Variants in GRID2 observed in about 807,000 individuals in gnomAD.
GRID2 encodes the protein glutamate receptor ionotropic, delta-2.
Under a neutral mutation model 114.8 loss-of-function variants are expected in GRID2, and 33 were observed. The observed-to-expected ratio is 0.29, with a 90% CI of 0.22 to 0.38. The LOEUF (loss-of-function observed/expected upper bound fraction) is 0.38, where lower values mean the gene tolerates loss of function less well. Ranked by LOEUF, GRID2 falls within the 10% of genes least tolerant of loss-of-function variation. The pLI is 1.00. For missense variants in GRID2, 1,184 were observed against 1,257.7 expected, an observed-to-expected ratio of 0.94 and a Z score of 0.89; for synonymous variants, 505 against 449.9, an observed-to-expected ratio of 1.12 and a Z score of -1.55.
chr4:92,363,340 T>A (rs1728703316), intron 1 of GRID2, among the ~76,000 whole-genome samples: 1 of 152,136 alleles, frequency 6.6e-6, no homozygotes, highest in Admixed American at 6.6e-5. Flanking sequence ...ACAAAATTTT[T>A]CAGCTATGAG....
intron 1 of GRID2, among the ~76,000 whole-genome samples, chr4:92,367,720 C>T (rs1416364469): frequency 6.6e-6 from 1 of 151,998 alleles, no homozygotes; most frequent in Non-Finnish European, 1.5e-5. Flanking sequence ...AGAGAAATGG[C>T]ATGATAAGAT....
In GRID2 at chr4:93,697,869, G is replaced by GTATATA. The variant is rs749542291; in HGVS notation, c.2361-71335_2361-71330dup. On this transcript the variant is annotated intron_variant, in intron 14 of 15. Transcript: ENST00000282020. ...TCAATTTAGTCATTCCACAATGTGT[G>GTATATA]TATATATATATTTCAAAACAATACG... 1.1e-4 allele frequency among the ~76,000 whole-genome samples: 14 copies of GTATATA among 122,652 alleles called. 1 individual carries two copies. The highest frequency in any genetic ancestry group is 6.3e-4 in the East Asian group (2 of 3,170). 80.5% of individuals were successfully genotyped at this position (122,652 alleles called of 152,430 possible). A position where few individuals can be genotyped will look rare whatever the true frequency, so the allele number is the denominator to read the frequency against.
At position 93,313,930 on chromosome 4, in the gene GRID2, T is replaced by A. The variant is rs137886777; in HGVS notation, c.1245+75440T>A. Among the ~76,000 whole-genome samples, 144 of 152,260 alleles carry A rather than the reference T, an allele frequency of 9.5e-4. 1 individual carries two copies. In the East Asian group the frequency reaches 0.018, roughly 19 times the overall value. On this transcript the variant is annotated intron_variant, in intron 8 of 15. Transcript: ENST00000282020. Reference sequence around the variant, plus strand: ...CAGCCCTACACATAAGCAGCTAGCATGTGTAAAAAGTCTACCTGACTCAAA... The same window carrying A: ...CAGCCCTACACATAAGCAGCTAGCAAGTGTAAAAAGTCTACCTGACTCAAA...
chr4:92,606,295 C>A (rs7670984), intron 2 of GRID2, among the ~76,000 whole-genome samples: 8,517 of 152,026 alleles, frequency 0.056, 283 homozygotes, highest in East Asian at 0.12. Flanking sequence ...TTTATACTGA[C>A]TTATGAGGTA....
chr4:93,193,531 C>A (rs141686618), intron 4 of GRID2, among the ~76,000 whole-genome samples: 1,953 of 152,250 alleles, frequency 0.013, 50 homozygotes, highest in African/African-American at 0.044. Flanking sequence ...TCCCCTTCTG[C>A]CATGATTGTA....
intron 2 of GRID2, among the ~76,000 whole-genome samples, chr4:93,049,456 T>G (rs1463674476): frequency 6.6e-6 from 1 of 151,932 alleles, no homozygotes; most frequent in Non-Finnish European, 1.5e-5. Flanking sequence ...AAAATATTAT[T>G]TCATTGATTT....
intron 2 of GRID2, among the ~76,000 whole-genome samples, chr4:92,851,493 A>T (rs1578308872): frequency 6.6e-6 from 1 of 152,050 alleles, no homozygotes; most frequent in East Asian, 1.9e-4. Flanking sequence ...CAATTTAATA[A>T]AACATATAAT....
At chr4:93,338,314 T>C (rs1346482790) in intron 8 of GRID2, among the ~76,000 whole-genome samples, 4 of 152,134 alleles carry the variant, frequency 2.6e-5, no homozygotes, top group Non-Finnish European at 5.9e-5. Flanking sequence ...CAAAGCAATA[T>C]ATCAAGCCCT....
intron 13 of GRID2, among the ~76,000 whole-genome samples, chr4:93,617,548 T>C (rs1414200232): frequency 6.6e-6 from 1 of 152,194 alleles, no homozygotes; most frequent in Non-Finnish European, 1.5e-5. Flanking sequence ...TTTCTGTCCT[T>C]CCATCTGTAA....
intron 2 of GRID2, among the ~76,000 whole-genome samples, chr4:92,964,209 C>T (rs1038445433): frequency 2.6e-5 from 4 of 152,040 alleles, no homozygotes; most frequent in African/African-American, 7.2e-5. Context: ...TAGCCCCTAA[C>T]AAGAGAGTCA....
chr4:93,460,139 T>C (rs1172380904), intron 11 of GRID2, among the ~76,000 whole-genome samples: 1 of 152,210 alleles, frequency 6.6e-6, no homozygotes, highest in African/African-American at 2.4e-5. Flanking sequence ...ATCCATGCCA[T>C]GGAAAGATAA....
At chr4:92,519,155 A>T (rs942904042) in intron 1 of GRID2, among the ~76,000 whole-genome samples, 2 of 151,906 alleles carry the variant, frequency 1.3e-5, no homozygotes, top group African/African-American at 4.8e-5. Flanking sequence ...TATAATTTTA[A>T]TTATTTATTC....
chr4:93,646,420 A>G (rs28659798), intron 14 of GRID2, among the ~76,000 whole-genome samples: 5,072 of 152,248 alleles, frequency 0.033, 143 homozygotes, highest in African/African-American at 0.073. Context: ...TAGGAGGCCA[A>G]TGTTGACTCA....
chr4:93,518,221 A>G (rs1227761375), intron 13 of GRID2, among the ~76,000 whole-genome samples: 2 of 151,684 alleles, frequency 1.3e-5, no homozygotes, highest in Admixed American at 6.6e-5. Flanking sequence ...TAATTGTGCT[A>G]CTAGTCTCAT....
At chr4:93,544,564 G>A (rs1419814761) in intron 13 of GRID2, among the ~76,000 whole-genome samples, 4 of 151,960 alleles carry the variant, frequency 2.6e-5, no homozygotes, top group Non-Finnish European at 4.4e-5. Flanking sequence ...GATCACCTGA[G>A]GTCGGGAGTT....
intron 1 of GRID2, among the ~76,000 whole-genome samples, chr4:92,357,818 T>A (rs1470441226): frequency 1.3e-5 from 2 of 151,842 alleles, no homozygotes; most frequent in Non-Finnish European, 2.9e-5. Flanking sequence ...ATTTGACAAA[T>A]CTATATTGAA....
At chr4:92,777,318 C>T (rs1165091593) in intron 2 of GRID2, among the ~76,000 whole-genome samples, 2 of 151,950 alleles carry the variant, frequency 1.3e-5, no homozygotes, top group Non-Finnish European at 2.9e-5. Flanking sequence ...TATGACCTTG[C>T]TGTTATAGTT....
chr4:92,751,472 G>C (rs984057176), intron 2 of GRID2, among the ~76,000 whole-genome samples: 1 of 151,826 alleles, frequency 6.6e-6, no homozygotes, highest in African/African-American at 2.4e-5. Flanking sequence ...AGTCCAAAAA[G>C]GCTGTTTGAT....
chr4:92,420,115 T>A (rs1731827079), intron 1 of GRID2, among the ~76,000 whole-genome samples: 1 of 152,094 alleles, frequency 6.6e-6, no homozygotes, highest in South Asian at 2.1e-4. Flanking sequence ...TCACAAAATG[T>A]ATCACTGGAA....
Sources: gnomAD v4.1 joint callset for allele counts (sites outside exome capture counted in the v4.1 genomes callset) on GRCh38, gnomAD v4.1.1 for gene constraint, MANE v1.5 for transcripts, NCBI Gene and HGNC (gene_info 2026-07-23, HGNC 2026-07-21) for gene names.